LHFPL3: variants seen among roughly 807,000 people sequenced by gnomAD.
LHFPL3 encodes the protein LHFPL tetraspan subfamily member 3 protein.
LHFPL3 carries 5 observed loss-of-function variants against 19.3 expected under a neutral mutation model. That is an observed-to-expected ratio of 0.26 (90% CI 0.14 to 0.54). LHFPL3 has a LOEUF of 0.54. Among genes scored for constraint, LHFPL3 ranks in the 20% least tolerant of loss-of-function variants. The probability of loss-of-function intolerance (pLI) is 0.94; values close to 1 mark genes in which losing one functional copy is unlikely to be tolerated. For missense variants in LHFPL3, 249 were observed against 307.4 expected (o/e 0.81, Z 1.42); for synonymous variants, 133 against 126.2 (o/e 1.05, Z -0.36).
chr7:104,499,410 G>T (rs558929369), intron 1 of LHFPL3, among the ~76,000 whole-genome samples: 169 of 152,280 alleles, frequency 1.1e-3, no homozygotes, highest in African/African-American at 3.9e-3. Flanking sequence ...GTTAGCATTT[G>T]CTCTTAAAGG....
chr7:104,349,966 A>G (rs1254248792), intron 1 of LHFPL3, among the ~76,000 whole-genome samples: 1 of 152,176 alleles, frequency 6.6e-6, no homozygotes, highest in Non-Finnish European at 1.5e-5. Context: ...ATTTGCTGAG[A>G]GCTTTCCTTA....
chr7:104,450,212 A>G (rs1792406845), intron 1 of LHFPL3, among the ~76,000 whole-genome samples: 1 of 152,182 alleles, frequency 6.6e-6, no homozygotes, highest in Non-Finnish European at 1.5e-5. Context: ...ACAGGAGGGA[A>G]AAACATTGTT....
chr7:104,525,611 T>TG (rs1554403963), intron 1 of LHFPL3, among the ~76,000 whole-genome samples: 5 of 115,616 alleles, frequency 4.3e-5, no homozygotes, highest in Admixed American at 4.3e-4. Context: ...TTTGGGTTTT[T>TG]TTTTTTTTTT....
intron 2 of LHFPL3, among the ~76,000 whole-genome samples, chr7:104,843,214 A>C (rs34976986): frequency 0.012 from 1,829 of 152,326 alleles, 37 homozygotes; most frequent in African/African-American, 0.041. Flanking sequence ...GAGCTGGGGA[A>C]GTCAACTCTG....
chr7:104,632,477 A>G (rs1248402857), intron 1 of LHFPL3, among the ~76,000 whole-genome samples: 1 of 152,240 alleles, frequency 6.6e-6, no homozygotes, highest in African/African-American at 2.4e-5. Flanking sequence ...AGAAATTTCT[A>G]ATAGATAACC....
At chr7:104,807,359 A>G (rs1790381803) in intron 2 of LHFPL3, among the ~76,000 whole-genome samples, 1 of 152,172 alleles carries the variant, frequency 6.6e-6, no homozygotes, top group Non-Finnish European at 1.5e-5. Flanking sequence ...CAGCCACCAG[A>G]AGGAATCAAT....
chr7:104,428,431 C>A (rs948763581), intron 1 of LHFPL3, among the ~76,000 whole-genome samples: 13 of 152,090 alleles, frequency 8.5e-5, no homozygotes, highest in Non-Finnish European at 4.4e-5. Context: ...AACAAAGGAG[C>A]CGTTGTCTTT....
intron 1 of LHFPL3, among the ~76,000 whole-genome samples, chr7:104,340,343 A>G (rs1286216164): frequency 1.3e-5 from 2 of 152,230 alleles, no homozygotes; most frequent in African/African-American, 2.4e-5. Context: ...AAGAAAAACT[A>G]GAAAGACGAG....
intron 1 of LHFPL3, among the ~76,000 whole-genome samples, chr7:104,629,055 G>T (rs1791596164): frequency 6.6e-6 from 1 of 152,098 alleles, no homozygotes; most frequent in Admixed American, 6.6e-5. Flanking sequence ...AATCAATTTT[G>T]TTTGGATATT....
chr7:104,411,301 C>T (rs1434354427), intron 1 of LHFPL3, among the ~76,000 whole-genome samples: 1 of 152,090 alleles, frequency 6.6e-6, no homozygotes, highest in African/African-American at 2.4e-5. Context: ...AACTACAGTG[C>T]AATTGACTGT....
At chr7:104,556,434 T>C (rs1421915835) in intron 1 of LHFPL3, among the ~76,000 whole-genome samples, 1 of 152,204 alleles carries the variant, frequency 6.6e-6, no homozygotes, top group Non-Finnish European at 1.5e-5. Context: ...CTACCAAGGC[T>C]TGGAGGTTCC....
intron 1 of LHFPL3, among the ~76,000 whole-genome samples, chr7:104,422,519 G>A (rs1396718962): frequency 6.6e-6 from 1 of 152,210 alleles, no homozygotes; most frequent in Non-Finnish European, 1.5e-5. Context: ...GCCAAGCTGT[G>A]TGGATTATAG....
intron 1 of LHFPL3, among the ~76,000 whole-genome samples, chr7:104,627,571 A>G (rs1221300471): frequency 6.6e-6 from 1 of 152,188 alleles, no homozygotes; most frequent in African/African-American, 2.4e-5. Flanking sequence ...TCATCCCAAC[A>G]GCCCCAAAGG....
intron 1 of LHFPL3, among the ~76,000 whole-genome samples, chr7:104,654,847 T>C (rs1792094442): frequency 6.6e-6 from 1 of 152,182 alleles, no homozygotes; most frequent in Non-Finnish European, 1.5e-5. Context: ...AGCCCCTTCC[T>C]CTAGTGTAGG....
intron 1 of LHFPL3, among the ~76,000 whole-genome samples, chr7:104,598,574 G>A (rs1378384031): frequency 1.3e-5 from 2 of 152,190 alleles, no homozygotes; most frequent in African/African-American, 2.4e-5. Context: ...TTTGCTTGTT[G>A]ACTTTCTGGA....
chr7:104,816,195 G>T (rs1790558575), intron 2 of LHFPL3, among the ~76,000 whole-genome samples: 1 of 152,168 alleles, frequency 6.6e-6, no homozygotes, highest in Non-Finnish European at 1.5e-5. Context: ...AACAGCATTT[G>T]CCAGTAGATT....
At chr7:104,488,792 G>A (rs1175260761) in intron 1 of LHFPL3, among the ~76,000 whole-genome samples, 2 of 152,214 alleles carry the variant, frequency 1.3e-5, no homozygotes, top group Non-Finnish European at 2.9e-5. Flanking sequence ...AGAATCCAGA[G>A]CACACAGCAA....
chr7:104,630,914 C>T lies in LHFPL3; in HGVS notation c.446-105761C>T, dbSNP rs78678064. Among the ~76,000 whole-genome samples, 612 of 152,188 alleles carry T rather than the reference C, an allele frequency of 4.0e-3. 35 individuals are homozygous for T. The East Asian group carries it at 0.099, about 25-fold the overall frequency. On this transcript the variant is annotated intron_variant, in intron 1 of 2. Coordinates refer to ENST00000424859, the MANE Select transcript of LHFPL3 (RefSeq NM_199000.3). ...CTGTCCACACCCACCCACCATTCCC[C>T]GGGACTGAGATCCATACCTGATTGG... is the stretch of plus-strand genomic sequence containing the variant.
intron 1 of LHFPL3, among the ~76,000 whole-genome samples, chr7:104,722,178 C>T (rs1005348564): frequency 6.6e-6 from 1 of 152,142 alleles, no homozygotes; most frequent in African/African-American, 2.4e-5. Context: ...CTAGATAGTT[C>T]ATACATGCAG....
Sources: allele counts gnomAD v4.1 joint callset (sites outside exome capture counted in the v4.1 genomes callset), GRCh38; gene constraint gnomAD v4.1.1; transcripts MANE v1.5; gene names NCBI Gene and HGNC (gene_info 2026-07-23, HGNC 2026-07-21).